Variants in PATJ observed in about 807,000 individuals in gnomAD.
PATJ encodes inaD-like protein.
In PATJ, 190 loss-of-function variants were observed where a neutral mutation model predicts 224.9. The ratio of observed to expected loss-of-function variants is 0.84; its 90% CI spans 0.75 to 0.95. PATJ has a LOEUF of 0.95. Among genes scored for constraint, PATJ ranks in the 40% least tolerant of loss-of-function variants. PATJ has a pLI of 0.00. For missense variants in PATJ, 2,121 were observed against 2,270.3 expected (o/e 0.93, Z 1.34); for synonymous variants, 769 against 820.3 (o/e 0.94, Z 1.07).
intron 7 of PATJ, among the ~76,000 whole-genome samples, chr1:61,781,529 C>T (rs1647324091): frequency 1.3e-5 from 2 of 152,352 alleles, no homozygotes; most frequent in African/African-American, 2.4e-5. Flanking sequence ...ATGTGGTATA[C>T]ACCCTCCCTA....
At chr1:61,842,177 A>C (rs1193349975) in intron 17 of PATJ, among the ~76,000 whole-genome samples, 1 of 152,178 alleles carries the variant, frequency 6.6e-6, no homozygotes, top group Non-Finnish European at 1.5e-5. Flanking sequence ...AGGAGACCAG[A>C]AGCCACTTAA....
intron 21 of PATJ, among the ~76,000 whole-genome samples, chr1:61,876,307 TG>T (rs1667325597): frequency 6.6e-6 from 1 of 152,186 alleles, no homozygotes; most frequent in African/African-American, 2.4e-5. Flanking sequence ...TAAGATTAGA[TG>T]AATCTACCCA....
intron 31 of PATJ, among the ~76,000 whole-genome samples, chr1:62,070,518 G>A (rs542201494): frequency 6.6e-6 from 1 of 152,176 alleles, no homozygotes; most frequent in Non-Finnish European, 1.5e-5. Flanking sequence ...ATCATATTAA[G>A]ATATGGGAGA....
At chr1:61,862,320 C>T (rs1316576524) in intron 19 of PATJ, among the ~76,000 whole-genome samples, 1 of 152,020 alleles carries the variant, frequency 6.6e-6, no homozygotes, top group Non-Finnish European at 1.5e-5. Flanking sequence ...CCTCAGCCTT[C>T]CGAGTAGCTG....
In PATJ at chr1:61,927,848, T is replaced by A; in HGVS notation, c.3670+19T>A. ...ACCGACCGTGAGTGCCTTTTCACTA[T>A]TTAGGGTAGATGCAGAACTTATTAA... On this transcript the variant is annotated intron_variant, in intron 27 of 43. Coordinates refer to ENST00000642238, the MANE Select transcript of PATJ (RefSeq NM_001350145.3). 6.6e-7 allele frequency: 1 copy of A among 1,516,820 alleles called. No homozygotes were observed. The highest frequency in any genetic ancestry group is 9.1e-7 in the Non-Finnish European group (1 of 1,095,588). The allele number at this position is 1,516,820 out of a possible 1,614,324, so 94.0% of individuals were successfully genotyped here.
chr1:62,143,849 C>T (rs1317412507), intron 41 of PATJ, among the ~76,000 whole-genome samples: 1 of 151,932 alleles, frequency 6.6e-6, no homozygotes, highest in Non-Finnish European at 1.5e-5. Context: ...CAGGACTGCA[C>T]CATGAGAGAT....
At chr1:61,949,604 A>G (rs1679311972) in intron 27 of PATJ, among the ~76,000 whole-genome samples, 1 of 152,224 alleles carries the variant, frequency 6.6e-6, no homozygotes, top group South Asian at 2.1e-4. Flanking sequence ...CAGGTTGTAA[A>G]TTACTTCCAA....
At chr1:62,016,005 G>A (rs751081696) in intron 28 of PATJ, among the ~76,000 whole-genome samples, 2 of 152,126 alleles carry the variant, frequency 1.3e-5, no homozygotes, top group Non-Finnish European at 2.9e-5. Context: ...TGGCCAGGCT[G>A]GTCTCGAACT....
At chr1:61,904,958 C>A (rs1026614900) in intron 24 of PATJ, among the ~76,000 whole-genome samples, 1 of 152,148 alleles carries the variant, frequency 6.6e-6, no homozygotes, top group African/African-American at 2.4e-5. Context: ...TGAGGTGGCT[C>A]ACACCTGTAA....
rs1646976526 is a variant in PATJ, at chr1:61,777,473, G to A, written c.849+2139G>A. On this transcript the variant is annotated intron_variant, in intron 7 of 43. Coordinates refer to ENST00000642238, the MANE Select transcript of PATJ (RefSeq NM_001350145.3). ...GGTGGGAGGAGGTAGAGGCTGCTTT[G>A]AGCCGAGATTGTGGCACTGAACTCC... Among the ~76,000 whole-genome samples, 4 of 152,064 alleles carry A rather than the reference G, an allele frequency of 2.6e-5. No individual in the cohort carries two copies. The South Asian group carries it at 8.3e-4, about 32-fold the overall frequency.
In PATJ at chr1:61,886,336, A is replaced by G. The variant is rs888598555; in HGVS notation, c.3131+1928A>G. 3.9e-5 allele frequency among the ~76,000 whole-genome samples: 6 copies of G among 152,214 alleles called. No homozygotes were observed. In the East Asian group the frequency reaches 1.2e-3, roughly 29 times the overall value. On this transcript the variant is annotated intron_variant, in intron 22 of 43. Coordinates refer to ENST00000642238, the MANE Select transcript of PATJ (RefSeq NM_001350145.3). ...AGAACATTTTAACAAAAGTGTCCTC[A>G]CAGGCTATGTTCACATGCTAATAGG...
chr1:61,775,653 G>A (rs1472068932), intron 7 of PATJ, among the ~76,000 whole-genome samples: 2 of 152,084 alleles, frequency 1.3e-5, no homozygotes, highest in African/African-American at 4.8e-5. Context: ...CTCCTCTAGT[G>A]TGTCTTTCGA....
At chr1:61,772,875 G>T (rs577981776) in intron 6 of PATJ, among the ~76,000 whole-genome samples, 1 of 152,156 alleles carries the variant, frequency 6.6e-6, no homozygotes, top group African/African-American at 2.4e-5. Context: ...GAGAAGGCAC[G>T]TGAAGAACTA....
intron 21 of PATJ, 119 bp from the exon 22 acceptor site, chr1:61,884,117 AT>A (rs371732258): frequency 2.3e-4 from 132 of 568,386 alleles, no homozygotes; most frequent in African/African-American, 2.1e-3. Context: ...TTACTTTAAT[AT>A]TTTCAGTCTC....
rs559022266 is a variant in PATJ at position 61,818,267 on chromosome 1, T to G, written c.1684-4678T>G. 2.0e-5 allele frequency among the ~76,000 whole-genome samples: 3 copies of G among 152,312 alleles called. No homozygotes were observed. The South Asian group carries it at 6.2e-4, about 32-fold the overall frequency. On this transcript the variant is annotated intron_variant, in intron 14 of 43. Coordinates refer to ENST00000642238, the MANE Select transcript of PATJ (RefSeq NM_001350145.3). Reference sequence around the variant, plus strand: ...CCCTTGAATACATTTCCTTGTATCCTTTACTTATATCAGGATCATGAAAAT... The same window carrying G: ...CCCTTGAATACATTTCCTTGTATCCGTTACTTATATCAGGATCATGAAAAT...
intron 1 of PATJ, among the ~76,000 whole-genome samples, chr1:61,753,810 T>C (rs1304840656): frequency 6.6e-6 from 1 of 151,530 alleles, no homozygotes; most frequent in Non-Finnish European, 1.5e-5. Flanking sequence ...GTGCCCAGCC[T>C]ATATATTTTA....
At chr1:61,911,959 T>C (rs1672721775) in intron 25 of PATJ, among the ~76,000 whole-genome samples, 2 of 149,492 alleles carry the variant, frequency 1.3e-5, no homozygotes, top group Non-Finnish European at 3.0e-5. Context: ...ATGACACATT[T>C]CTGAGACTTT....
At chr1:61,794,485 A>G (rs2148530215) in intron 9 of PATJ, among the ~76,000 whole-genome samples, 1 of 152,234 alleles carries the variant, frequency 6.6e-6, no homozygotes, top group Middle Eastern at 3.4e-3. Context: ...TAAAAATGTA[A>G]AATCATGCAG....
rs373997284 is a variant in PATJ at position 61,954,752 on chromosome 1, A to ATT, written c.3670+26924_3670+26925dup. On this transcript the variant is annotated intron_variant, in intron 27 of 43. Transcript: ENST00000642238. The stretch of plus-strand genomic sequence containing the variant: ...TTACATTTATGATATGCCAAACTCT[A>ATT]TTGTTTTTTTTTTTTTTTTGAGACA... Among the ~76,000 whole-genome samples the ATT allele has an allele frequency of 8.0e-5, 9 of 112,302 alleles. 1 individual carries two copies. Among genetic ancestry groups the ATT allele is most frequent in the East Asian group, 6.9e-4 (2 of 2,910 alleles). 73.7% of individuals were successfully genotyped at this position (112,302 alleles called of 152,430 possible). A position where few individuals can be genotyped will look rare whatever the true frequency, so the allele number is the denominator to read the frequency against.
Sources: allele counts gnomAD v4.1 joint callset (sites outside exome capture counted in the v4.1 genomes callset), GRCh38; gene constraint gnomAD v4.1.1; transcripts MANE v1.5; gene names NCBI Gene and HGNC (gene_info 2026-07-23, HGNC 2026-07-21).